Variants in FBLN1 observed in about 807,000 individuals in gnomAD.
FBLN1 encodes fibulin 1, also known as fibulin-1.
In FBLN1, 34 loss-of-function variants were observed where a neutral mutation model predicts 89.7. That is an observed-to-expected ratio of 0.38 (90% confidence interval 0.29 to 0.50). The LOEUF is 0.50. FBLN1 is among the 20% of genes least tolerant of loss of function. FBLN1 has a pLI of 0.92. For synonymous variants in FBLN1, 393 were observed against 391.3 expected, an observed-to-expected ratio of 1.00 and a Z score of -0.05; for missense variants, 777 against 988.1, an observed-to-expected ratio of 0.79 and a Z score of 2.86.
Position 45,536,360 on chromosome 22 carries a change from C to T in FBLN1, c.922+1023C>T, listed in dbSNP as rs893430442. On this transcript the variant is annotated intron_variant, in intron 8 of 16. Transcript: ENST00000327858. The surrounding 1 kb of genome is among the most constrained non-coding windows in gnomAD (Gnocchi z 5.1). ...TGGAGATGGATGGGGGTGATGGTGG[C>T]ACGACAGTGTGAATGCAGTAATGCC... Among the ~76,000 whole-genome samples the T allele has an allele frequency of 4.6e-5, 7 of 151,962 alleles. No individual in the cohort carries two copies. The highest frequency in any genetic ancestry group is 4.4e-5 in the Non-Finnish European group (3 of 67,992).
chr22:45,599,044 G>A (rs1177540098), intron 16 of FBLN1, among the ~76,000 whole-genome samples: 2 of 152,092 alleles, frequency 1.3e-5, no homozygotes, highest in African/African-American at 2.4e-5. Context: ...GAGATGGCGG[G>A]CCCAGGCTGG....
At chr22:45,506,611 G>A (rs1434130821) in intron 1 of FBLN1, among the ~76,000 whole-genome samples, 3 of 152,218 alleles carry the variant, frequency 2.0e-5, no homozygotes, top group Admixed American at 2.0e-4. Context: ...AGGGCTGGGA[G>A]GATGGGGGAA....
chr22:45,522,874 G>A (rs760418585), intron 2 of FBLN1, among the ~76,000 whole-genome samples: 17 of 152,184 alleles, frequency 1.1e-4, no homozygotes, highest in Non-Finnish European at 2.4e-4. Flanking sequence ...ATCTCACTGA[G>A]AGCCTGCTAG....
chr22:45,516,989 C>T (rs2088178306), intron 1 of FBLN1, among the ~76,000 whole-genome samples: 1 of 152,262 alleles, frequency 6.6e-6, no homozygotes, highest in Admixed American at 6.5e-5. Context: ...CCCTCCTCCC[C>T]TGCTGAGAAC....
chr22:45,564,793 ATGTC>A, intron 14 of FBLN1: 1 of 1,507,918 alleles, frequency 6.6e-7, no homozygotes, highest in African/African-American at 1.4e-5. Context: ...TGCTCTGTCA[ATGTC>A]TGTTCAGGGA....
chr22:45,568,688 G>C lies in FBLN1; in HGVS notation c.1698-5823G>C, dbSNP rs1186156447. On this transcript the variant is annotated intron_variant, in intron 14 of 16. Coordinates refer to ENST00000327858, the MANE Select transcript of FBLN1 (RefSeq NM_006486.3). Reference sequence around the variant, plus strand: ...GTAGGGGAATGCCTCTTCTGTAGGGGAATGCTCCTTCTGTAGGGGAGTGCT... The same window carrying C: ...GTAGGGGAATGCCTCTTCTGTAGGGCAATGCTCCTTCTGTAGGGGAGTGCT... Among the ~76,000 whole-genome samples the C allele has an allele frequency of 5.2e-4, 38 of 73,398 alleles. 10 individuals are homozygous for C. Among genetic ancestry groups the C allele is most frequent in the African/African-American group, 2.0e-3 (34 of 16,702 alleles). The allele number at this position is 73,398 out of a possible 152,430, so 48.2% of individuals were successfully genotyped here.
intron 14 of FBLN1, among the ~76,000 whole-genome samples, chr22:45,553,982 TGTGTGC>T (rs1225387820): frequency 6.6e-6 from 1 of 152,224 alleles, no homozygotes; most frequent in African/African-American, 2.4e-5. Context: ...GTTGCTGGTG[TGTGTGC>T]GTGTGCGCGT....
intron 3 of FBLN1, among the ~76,000 whole-genome samples, 180 bp from the exon 4 acceptor site, chr22:45,527,667 G>T (rs2088347368): frequency 6.6e-6 from 1 of 152,174 alleles, no homozygotes. Flanking sequence ...GGAGTAGGGG[G>T]ATGGCCTTGC....
At position 45,531,644 on chromosome 22, in the gene FBLN1, C is replaced by A. The variant is rs1258048065; in HGVS notation, c.544+320C>A. On this transcript the variant is annotated intron_variant, in intron 5 of 16. Transcript: ENST00000327858. This position sits in a 1 kb window ranked among gnomAD's most constrained non-coding sequence, Gnocchi z 4.9. Reference sequence around the variant, plus strand: ...AAGTACCCTTTGGCTGGGAGCCAGCCATGAGCCACTTCCACCCTGAGGAGT... The same window carrying A: ...AAGTACCCTTTGGCTGGGAGCCAGCAATGAGCCACTTCCACCCTGAGGAGT... Among the ~76,000 whole-genome samples the A allele has an allele frequency of 6.6e-6, 1 of 152,256 alleles. No homozygotes were observed. Among genetic ancestry groups the A allele is most frequent in the African/African-American group, 2.4e-5 (1 of 41,468 alleles).
At chr22:45,568,465 A>G (rs889183111) in intron 14 of FBLN1, among the ~76,000 whole-genome samples, 5 of 144,778 alleles carry the variant, frequency 3.5e-5, no homozygotes, top group Non-Finnish European at 7.6e-5. Context: ...TCTGTAGGGG[A>G]GTGCTCCTTC....
At chr22:45,534,177 C>T (rs543139956) in intron 7 of FBLN1, among the ~76,000 whole-genome samples, 5 of 149,274 alleles carry the variant, frequency 3.3e-5, no homozygotes, top group South Asian at 2.1e-4. Context: ...GAAAGATTTA[C>T]GTTCTTATGG....
intron 12 of FBLN1, 135 bp from the exon 13 acceptor site, chr22:45,548,478 A>G: frequency 8.4e-7 from 1 of 1,197,182 alleles, no homozygotes; most frequent in South Asian, 1.4e-5. Flanking sequence ...ATGGTCTCTG[A>G]GGCTTCCTGT....
Position 45,565,110 on chromosome 22 carries a change from C to G in FBLN1, c.1698-9401C>G, listed in dbSNP as rs755325832. The G allele has an allele frequency of 6.3e-6, 10 of 1,590,838 alleles. No homozygotes were observed. The East Asian group carries it at 2.3e-4, about 36-fold the overall frequency. On this transcript the variant is annotated intron_variant, in intron 14 of 16. Transcript: ENST00000327858. ...GCCCTTGCCACTGTCTCCTGGCCCT[C>G]TCTCTGATCATGCCAGGTTTGCACC...
Position 45,592,952 on chromosome 22 carries a change from C to G in FBLN1, c.1973-7355C>G, listed in dbSNP as rs533277992. 6.5e-4 allele frequency among the ~76,000 whole-genome samples: 99 copies of G among 152,328 alleles called. 1 individual carries two copies. The South Asian group carries it at 7.3e-3, about 11-fold the overall frequency. On this transcript the variant is annotated intron_variant, in intron 16 of 16. Coordinates refer to ENST00000327858, the MANE Select transcript of FBLN1 (RefSeq NM_006486.3). ...TCATCATCTGGTTTGCTAAAATGCT[C>G]TTTGACAGCCCTGCACACTCCATTA...
chr22:45,526,415 T>A (rs1602176586), intron 3 of FBLN1, among the ~76,000 whole-genome samples: 1 of 152,028 alleles, frequency 6.6e-6, no homozygotes, highest in Non-Finnish European at 1.5e-5. Context: ...AGGCCATCCC[T>A]CCCTTACCAC....
At chr22:45,528,662 T>C (rs2146963482) in intron 4 of FBLN1, among the ~76,000 whole-genome samples, 1 of 152,238 alleles carries the variant, frequency 6.6e-6, no homozygotes, top group African/African-American at 2.4e-5. Flanking sequence ...ATCTCTAAAA[T>C]ATAGCTTCAC....
chr22:45,518,157 A>T (rs535143703), intron 1 of FBLN1, among the ~76,000 whole-genome samples: 18 of 150,736 alleles, frequency 1.2e-4, no homozygotes, highest in African/African-American at 2.4e-4. Flanking sequence ...AAAAAAGAAA[A>T]TTTTTTTTTC....
intron 3 of FBLN1, among the ~76,000 whole-genome samples, chr22:45,525,935 C>T (rs978480601): frequency 1.3e-5 from 2 of 152,228 alleles, no homozygotes; most frequent in East Asian, 3.9e-4. Context: ...CTGGCCTTGC[C>T]CTGAGAACCG....
At chr22:45,523,121 C>A (rs769088429) in intron 2 of FBLN1, 2 of 776,956 alleles carry the variant, frequency 2.6e-6, no homozygotes, top group South Asian at 2.7e-5. Flanking sequence ...TGTGCCAGGA[C>A]CTGAATGGGG....
Sources: gnomAD v4.1 joint callset for allele counts (sites outside exome capture counted in the v4.1 genomes callset) on GRCh38, gnomAD v4.1.1 for gene constraint, Gnocchi (gnomAD v3.1) non-coding constraint, MANE v1.5 for transcripts, NCBI Gene and HGNC (gene_info 2026-07-23, HGNC 2026-07-21) for gene names.